Variants in UBE2O observed in about 807,000 individuals in gnomAD.
The protein encoded by UBE2O is (E3-independent) E2 ubiquitin-conjugating enzyme.
A neutral mutation model predicts 125.8 loss-of-function variants in UBE2O; 15 were observed. The ratio of observed to expected loss-of-function variants is 0.12; its 90% CI spans 0.08 to 0.18. The LOEUF is 0.18. Ranked by LOEUF, UBE2O falls within the 10% of genes least tolerant of loss-of-function variation. UBE2O has a pLI of 1.00. For synonymous variants in UBE2O, 708 were observed against 703.2 expected (o/e 1.01, Z -0.11); for missense variants, 1,280 against 1,723.6 (o/e 0.74, Z 4.56).
intron 1 of UBE2O, among the ~76,000 whole-genome samples, chr17:76,421,469 G>T (rs184871867): frequency 1.3e-4 from 20 of 152,226 alleles, no homozygotes; most frequent in Admixed American, 1.2e-3. Context: ...CGGTTCAAGC[G>T]ATTGTCCTGC....
In UBE2O at chr17:76,452,620, G is replaced by T. The variant is rs1490476290; in HGVS notation, c.417+105C>A. Reference sequence around the variant, plus strand: ...GGGCTGTCCTCCCGCGTCGGCCACTGCAGTGGCACCGCTCCGGGCAGGGCC... The same window carrying T: ...GGGCTGTCCTCCCGCGTCGGCCACTTCAGTGGCACCGCTCCGGGCAGGGCC... On this transcript the variant is annotated intron_variant, in intron 1 of 17. Coordinates refer to ENST00000319380, the MANE Select transcript of UBE2O (RefSeq NM_022066.4). This position sits in a 1 kb window ranked among gnomAD's most constrained non-coding sequence, Gnocchi z 4.4. 8.9e-7 allele frequency: 1 copy of T among 1,119,800 alleles called. No individual in the cohort carries two copies. 69.4% of individuals were successfully genotyped at this position (1,119,800 alleles called of 1,614,324 possible). A position where few individuals can be genotyped will look rare whatever the true frequency, so the allele number is the denominator to read the frequency against.
rs906229288 is a variant in UBE2O at position 76,396,968 on chromosome 17, C to T, written c.2116-147G>A. On this transcript the variant is annotated intron_variant, in intron 13 of 17. Transcript: ENST00000319380. This position sits in a 1 kb window ranked among gnomAD's most constrained non-coding sequence, Gnocchi z 6.7. ...CAACCTCATTCCACCCTTTCCCTGA[C>T]CTCTGCTCTGGCTTTTGCAGTCCCT... The T allele has an allele frequency of 1.5e-6, 1 of 679,170 alleles. No individual in the cohort carries two copies. The highest frequency in any genetic ancestry group is 1.8e-5 in the African/African-American group (1 of 54,980). The allele number at this position is 679,170 out of a possible 1,614,324, so 42.1% of individuals were successfully genotyped here.
At chr17:76,429,619 G>T (rs1227650824) in intron 1 of UBE2O, among the ~76,000 whole-genome samples, 1 of 151,374 alleles carries the variant, frequency 6.6e-6, no homozygotes, top group South Asian at 2.1e-4. Flanking sequence ...ACATAAGCAA[G>T]GCTCTGGACA....
Position 76,405,413 on chromosome 17 carries a change from C to G in UBE2O, c.478-97G>C, listed in dbSNP as rs942177486. 1.3e-6 allele frequency: 2 copies of G among 1,505,904 alleles called. No individual in the cohort carries two copies. Among genetic ancestry groups the G allele is most frequent in the Admixed American group, 1.9e-5 (1 of 52,386 alleles). 93.3% of individuals were successfully genotyped at this position (1,505,904 alleles called of 1,614,324 possible). A position where few individuals can be genotyped will look rare whatever the true frequency, so the allele number is the denominator to read the frequency against. The stretch of plus-strand genomic sequence containing the variant: ...CAACCCCAGCGCACCCCCTGCAGAG[C>G]TGGCCAGTTCTCCCACATGCAGAGT... On this transcript the variant is annotated intron_variant, in intron 2 of 17. Coordinates refer to ENST00000319380, the MANE Select transcript of UBE2O (RefSeq NM_022066.4). This position sits in a 1 kb window ranked among gnomAD's most constrained non-coding sequence, Gnocchi z 6.1.
chr17:76,436,566 G>A (rs1276160802), intron 1 of UBE2O, among the ~76,000 whole-genome samples: 1 of 152,078 alleles, frequency 6.6e-6, no homozygotes, highest in Admixed American at 6.6e-5. Flanking sequence ...CGAGAGCCTA[G>A]ACGATGCCTC....
rs2073269177 is a variant in UBE2O at position 76,452,547 on chromosome 17, G to A, written c.417+178C>T. ...GGCCAGCAGTGCCTGGCTGGCGTGT[G>A]CGCCCAGAGCTGCTGCAATGACTTT... On this transcript the variant is annotated intron_variant, in intron 1 of 17. Coordinates refer to ENST00000319380, the MANE Select transcript of UBE2O (RefSeq NM_022066.4). This position sits in a 1 kb window ranked among gnomAD's most constrained non-coding sequence, Gnocchi z 4.4. Among the ~76,000 whole-genome samples the A allele has an allele frequency of 6.6e-6, 1 of 152,190 alleles. No homozygotes were observed. Among genetic ancestry groups the A allele is most frequent in the Admixed American group, 6.5e-5 (1 of 15,288 alleles).
chr17:76,409,538 G>A (rs1567839704), intron 1 of UBE2O, among the ~76,000 whole-genome samples: 2 of 152,102 alleles, frequency 1.3e-5, no homozygotes, highest in Non-Finnish European at 2.9e-5. Context: ...TGGGATTACA[G>A]GCATGCACAA....
rs2072378636 is a variant in UBE2O, at chr17:76,404,173, G to A, written c.588+1033C>T. Among the ~76,000 whole-genome samples the A allele has an allele frequency of 6.6e-6, 1 of 152,246 alleles. No homozygotes were observed. Among genetic ancestry groups the A allele is most frequent in the Non-Finnish European group, 1.5e-5 (1 of 68,050 alleles). ...TGGAGGCCAAAGCTGGTGGATTTCA[G>A]TTTGACAAATGACAGGTTATAGACA... On this transcript the variant is annotated intron_variant, in intron 3 of 17. Transcript: ENST00000319380. The surrounding 1 kb of genome is among the most constrained non-coding windows in gnomAD (Gnocchi z 4.3).
chr17:76,453,043 G>A lies in UBE2O; in HGVS notation c.99C>T (p.Val33=). Reference sequence around the variant, plus strand: ...AGTCCGAGGCGGGCGCCGGCGCCGGGACGGGGGCTGCGGCTGGGGCCGGGA... The same window carrying A: ...AGTCCGAGGCGGGCGCCGGCGCCGGAACGGGGGCTGCGGCTGGGGCCGGGA... ...EAVPAPAAAP[V]PAPAPASDSA... is the part of the protein sequence containing the mutation. The change falls in exon 1 of 18, where the codon GTC becomes GTT. Residue 33 remains valine (V), a synonymous_variant. Transcript: ENST00000319380. 7.1e-7 allele frequency: 1 copy of A among 1,409,518 alleles called. No individual in the cohort carries two copies. The highest frequency in any genetic ancestry group is 9.3e-7 in the Non-Finnish European group (1 of 1,078,426). The allele number at this position is 1,409,518 out of a possible 1,614,324, so 87.3% of individuals were successfully genotyped here.
At chr17:76,449,620 T>TA (rs996526134) in intron 1 of UBE2O, among the ~76,000 whole-genome samples, 2 of 151,048 alleles carry the variant, frequency 1.3e-5, no homozygotes, top group South Asian at 4.2e-4. Context: ...AGCAGCTTAT[T>TA]AAAAAAAATA....
chr17:76,392,166 G>T (rs2072124585), intron 15 of UBE2O, 53 bp from the exon 16 acceptor site: 2 of 1,183,590 alleles, frequency 1.7e-6, no homozygotes, highest in African/African-American at 1.5e-5. Flanking sequence ...GGAAGGGGGT[G>T]TCCTACATGT....
chr17:76,441,648 T>TA (rs893237056), intron 1 of UBE2O, among the ~76,000 whole-genome samples: 5 of 152,236 alleles, frequency 3.3e-5, no homozygotes, highest in African/African-American at 9.6e-5. Flanking sequence ...GGGAGTTTGT[T>TA]AGACACGCAG....
In UBE2O at chr17:76,398,954, C is replaced by T. The variant is rs750123879; in HGVS notation, c.1666G>A (p.Asp556Asn). 42 of 1,613,954 alleles carry T rather than the reference C, an allele frequency of 2.6e-5. No homozygotes were observed. The East Asian group carries it at 5.1e-4, about 20-fold the overall frequency. ...ACGGAGCCATCCTGCCACATCACGT[C>T]GGCTGAGGTCATCGTGGTCACCACC... ...VEVVTTMTSADVMWQDGSVEC... is the reference protein window; with the variant it reads ...VEVVTTMTSANVMWQDGSVEC... Residue 556 changes from aspartate to asparagine, a missense_variant, in exon 10 of 18, where the codon GAC becomes AAC. Coordinates refer to ENST00000319380, the MANE Select transcript of UBE2O (RefSeq NM_022066.4). The surrounding 1 kb of genome is among the most constrained non-coding windows in gnomAD (Gnocchi z 5.4).
chr17:76,434,436 A>G (rs956368079), intron 1 of UBE2O, among the ~76,000 whole-genome samples: 1 of 152,188 alleles, frequency 6.6e-6, no homozygotes, highest in Non-Finnish European at 1.5e-5. Flanking sequence ...CACAGGGCAC[A>G]TTTGTCTTCC....
At chr17:76,416,076 T>C (rs1223202262) in intron 1 of UBE2O, among the ~76,000 whole-genome samples, 1 of 151,882 alleles carries the variant, frequency 6.6e-6, no homozygotes, top group East Asian at 1.9e-4. Context: ...TACGTATGTG[T>C]ATACATATGT....
intron 1 of UBE2O, among the ~76,000 whole-genome samples, chr17:76,418,455 GA>G (rs1191912788): frequency 6.6e-6 from 1 of 152,206 alleles, no homozygotes; most frequent in East Asian, 1.9e-4. Flanking sequence ...GGCAATGGTG[GA>G]AGCCAACAGT....
intron 1 of UBE2O, among the ~76,000 whole-genome samples, chr17:76,414,319 G>A (rs1039061214): frequency 3.9e-5 from 6 of 152,146 alleles, no homozygotes; most frequent in Non-Finnish European, 8.8e-5. Flanking sequence ...GACAAGACAA[G>A]AATACAAATA....
At chr17:76,414,436 C>G (rs1385048742) in intron 1 of UBE2O, among the ~76,000 whole-genome samples, 3 of 152,224 alleles carry the variant, frequency 2.0e-5, no homozygotes, top group Non-Finnish European at 2.9e-5. Context: ...GAGCACTAAG[C>G]TGGGTGGGGA....
Position 76,396,748 on chromosome 17 carries a change from G to A in UBE2O, c.2189C>T (p.Ser730Phe), listed in dbSNP as rs1371069765. ...ACTATCATCTTCCCATTCATCCGAG[G>A]ATGCCCCGCTGGTGCTGCCTTCTAC... Reference protein sequence around the residue: ...DSVEGSTSGASSDEWEDDSDS... With the variant: ...DSVEGSTSGAFSDEWEDDSDS... Residue 730 changes from serine to phenylalanine, a missense_variant, in exon 14 of 18, where the codon TCC (serine) becomes TTC (phenylalanine). Transcript: ENST00000319380. This position sits in a 1 kb window ranked among gnomAD's most constrained non-coding sequence, Gnocchi z 6.7. The A allele has an allele frequency of 6.2e-7, 1 of 1,613,910 alleles. No homozygotes were observed. The highest frequency in any genetic ancestry group is 2.2e-5 in the East Asian group (1 of 44,868).
Sources: gnomAD v4.1 joint callset for allele counts (sites outside exome capture counted in the v4.1 genomes callset) on GRCh38, gnomAD v4.1.1 for gene constraint, Gnocchi (gnomAD v3.1) non-coding constraint, MANE v1.5 for transcripts, NCBI Gene and HGNC (gene_info 2026-07-23, HGNC 2026-07-21) for gene names.